The following NRXN1 variants were observed in gnomAD, a reference collection of about 807,000 sequenced individuals.
The protein encoded by NRXN1 is neurexin 1, also known as neurexin-1.
Under a neutral mutation model 150.9 loss-of-function variants are expected in NRXN1, and 39 were observed. The ratio of observed to expected loss-of-function variants is 0.26; its 90% CI spans 0.20 to 0.34. The LOEUF (loss-of-function observed/expected upper bound fraction) is 0.34. NRXN1 is among the 10% of genes least tolerant of loss of function. The pLI is 1.00. For missense variants in NRXN1, 1,815 were observed against 1,949.9 expected (o/e 0.93, Z 1.30); for synonymous variants, 924 against 757.0 (o/e 1.22, Z -3.62).
At chr2:49,981,793 C>G (rs954412705) in intron 21 of NRXN1, among the ~76,000 whole-genome samples, 1 of 152,048 alleles carries the variant, frequency 6.6e-6, no homozygotes, top group Admixed American at 6.6e-5. Context: ...TGGACACTTA[C>G]ATAAATACAG....
At chr2:50,142,120 G>A (rs112772505) in intron 18 of NRXN1, among the ~76,000 whole-genome samples, 1 of 151,936 alleles carries the variant, frequency 6.6e-6, no homozygotes, top group South Asian at 2.1e-4. Flanking sequence ...ATACTCTTGG[G>A]TCATAAAAAA....
In NRXN1 at chr2:49,975,943, A is replaced by G. The variant is rs543963956; in HGVS notation, c.4129-32152T>C. ...TTGAATGAAAAAGCCATAAAATTTAAATTGTGTATAGGCTATACTTACTTA... is the reference window on the plus strand; with the variant it reads ...TTGAATGAAAAAGCCATAAAATTTAGATTGTGTATAGGCTATACTTACTTA... On this transcript the variant is annotated intron_variant, in intron 21 of 22. Coordinates refer to ENST00000401669, the MANE Select transcript of NRXN1 (RefSeq NM_001330078.2). Among the ~76,000 whole-genome samples, 6 of 152,216 alleles carry G rather than the reference A, an allele frequency of 3.9e-5. 1 individual carries two copies. Among genetic ancestry groups the G allele is most frequent in the African/African-American group, 1.4e-4 (6 of 41,542 alleles).
At position 50,108,268 on chromosome 2, in the gene NRXN1, A is replaced by G. The variant is rs116441084; in HGVS notation, c.3547-16774T>C. 6.0e-3 allele frequency among the ~76,000 whole-genome samples: 919 copies of G among 152,170 alleles called. 10 individuals carry two copies. The highest frequency in any genetic ancestry group is 0.021 in the African/African-American group (879 of 41,568). On this transcript the variant is annotated intron_variant, in intron 18 of 22. Coordinates refer to ENST00000401669, the MANE Select transcript of NRXN1 (RefSeq NM_001330078.2). Reference sequence around the variant, plus strand: ...GCACACACACACAAATCCATTGACCAATGTATATTTTAATCATAACTCACT... The same window carrying G: ...GCACACACACACAAATCCATTGACCGATGTATATTTTAATCATAACTCACT...
chr2:50,575,147 A>G (rs1671220787), intron 8 of NRXN1, among the ~76,000 whole-genome samples: 1 of 152,226 alleles, frequency 6.6e-6, no homozygotes, highest in Non-Finnish European at 1.5e-5. Context: ...GATTTGGAAG[A>G]TAACATTTTG....
intron 5 of NRXN1, among the ~76,000 whole-genome samples, chr2:50,673,246 T>C (rs932742625): frequency 2.6e-5 from 4 of 152,130 alleles, no homozygotes; most frequent in Admixed American, 1.3e-4. Context: ...TACAATTTAT[T>C]ATGTGAGAAA....
chr2:50,484,027 TCTTTC>T (rs2090685459), intron 15 of NRXN1, among the ~76,000 whole-genome samples: 3 of 152,188 alleles, frequency 2.0e-5, no homozygotes, highest in Admixed American at 2.0e-4. Context: ...AAAGAACAGC[TCTTTC>T]CTATAATACG....
intron 5 of NRXN1, among the ~76,000 whole-genome samples, chr2:50,831,591 T>A (rs138738558): frequency 1.3e-5 from 2 of 152,210 alleles, no homozygotes; most frequent in African/African-American, 4.8e-5. Context: ...TCAGAGTGTA[T>A]AAATATGTTA....
At chr2:50,956,329 C>T (rs1222454809) in intron 2 of NRXN1, among the ~76,000 whole-genome samples, 7 of 152,114 alleles carry the variant, frequency 4.6e-5, no homozygotes, top group Non-Finnish European at 2.9e-5. Flanking sequence ...TTAGTACTAT[C>T]TGCAATTTCA....
chr2:51,015,620 T>C (rs980137416), intron 2 of NRXN1, among the ~76,000 whole-genome samples: 35 of 151,884 alleles, frequency 2.3e-4, no homozygotes, highest in African/African-American at 8.2e-4. Flanking sequence ...GAAATCAATA[T>C]ATAGAGTCAT....
intron 2 of NRXN1, among the ~76,000 whole-genome samples, chr2:50,998,529 A>G (rs1699617574): frequency 6.6e-6 from 1 of 151,966 alleles, no homozygotes. Context: ...ATTTGATTCT[A>G]TTAGGTCTTC....
intron 17 of NRXN1, among the ~76,000 whole-genome samples, chr2:50,242,712 T>C (rs1436240247): frequency 1.3e-5 from 2 of 151,556 alleles, no homozygotes; most frequent in Admixed American, 6.6e-5. Context: ...AAGACAAAGA[T>C]GCCAGGAAAA....
Position 50,267,714 on chromosome 2 carries a change from A to G in NRXN1, c.3365-30744T>C, listed in dbSNP as rs556784823. Among the ~76,000 whole-genome samples the G allele has an allele frequency of 2.6e-5, 4 of 152,362 alleles. No individual in the cohort carries two copies. The South Asian group carries it at 6.2e-4, about 24-fold the overall frequency. On this transcript the variant is annotated intron_variant, in intron 17 of 22. Coordinates refer to ENST00000401669, the MANE Select transcript of NRXN1 (RefSeq NM_001330078.2). ...GAAAATCTTACACACTGGATATTTA[A>G]GACCCCTATTGAGGGTAAGCCAAAT...
chr2:50,150,773 C>T (rs573736341), intron 18 of NRXN1, among the ~76,000 whole-genome samples: 1 of 151,648 alleles, frequency 6.6e-6, no homozygotes, highest in Non-Finnish European at 1.5e-5. Flanking sequence ...CCAAATGGAG[C>T]CCATAGGGAT....
chr2:50,435,144 G>A (rs1457696264), intron 17 of NRXN1, among the ~76,000 whole-genome samples: 1 of 152,150 alleles, frequency 6.6e-6, no homozygotes, highest in Non-Finnish European at 1.5e-5. Context: ...CGGTTGCTAA[G>A]TTTAGCAGAG....
chr2:50,859,967 T>C (rs1208920275), intron 5 of NRXN1, among the ~76,000 whole-genome samples: 3 of 152,172 alleles, frequency 2.0e-5, no homozygotes, highest in East Asian at 1.9e-4. Context: ...TGGAGATACA[T>C]ATTTATGGAT....
intron 5 of NRXN1, among the ~76,000 whole-genome samples, chr2:50,694,344 G>C (rs1015352290): frequency 1.3e-5 from 2 of 151,952 alleles, no homozygotes; most frequent in African/African-American, 4.8e-5. Context: ...TTATCTTTTT[G>C]CATCGGTTTC....
intron 9 of NRXN1, among the ~76,000 whole-genome samples, chr2:50,540,330 A>T (rs540864968): frequency 1.3e-5 from 2 of 152,376 alleles, no homozygotes; most frequent in East Asian, 3.9e-4. Flanking sequence ...ATTTAGGAAC[A>T]TATGGGAACC....
At chr2:50,070,000 G>C (rs1034217725) in intron 19 of NRXN1, among the ~76,000 whole-genome samples, 1 of 151,668 alleles carries the variant, frequency 6.6e-6, no homozygotes, top group Admixed American at 6.6e-5. Flanking sequence ...ACAGGCACCC[G>C]CCACCACACC....
chr2:50,187,739 G>C (rs1173933599), intron 18 of NRXN1, among the ~76,000 whole-genome samples: 2 of 151,962 alleles, frequency 1.3e-5, no homozygotes, highest in Admixed American at 6.6e-5. Context: ...GGTTCCATTT[G>C]TGTCCTCTCT....
Sources: allele counts gnomAD v4.1 joint callset (sites outside exome capture counted in the v4.1 genomes callset), GRCh38; gene constraint gnomAD v4.1.1; transcripts MANE v1.5; gene names NCBI Gene and HGNC (gene_info 2026-07-23, HGNC 2026-07-21).